The following ZCCHC4 variants were observed in gnomAD, a reference collection of about 807,000 sequenced individuals.
The protein encoded by ZCCHC4 is rRNA N(6)-adenosine-methyltransferase ZCCHC4.
Under a neutral mutation model 67.7 loss-of-function variants are expected in ZCCHC4, and 54 were observed. The ratio of observed to expected loss-of-function variants is 0.80; its 90% confidence interval spans 0.64 to 1.00. The LOEUF (loss-of-function observed/expected upper bound fraction) is 1.00. Ranked by LOEUF, ZCCHC4 falls within the 50% of genes least tolerant of loss-of-function variation. ZCCHC4 has a pLI of 0.00. For missense variants in ZCCHC4, 609 were observed against 617.0 expected (o/e 0.99, Z 0.14); for synonymous variants, 198 against 213.5 (o/e 0.93, Z 0.63).
intron 8 of ZCCHC4, among the ~76,000 whole-genome samples, chr4:25,357,273 C>T (rs1720555362): frequency 6.6e-6 from 1 of 152,158 alleles, no homozygotes; most frequent in African/African-American, 2.4e-5. Flanking sequence ...TGTTCATTCC[C>T]ATTATTTTTC....
At chr4:25,325,833 T>C (rs888139657) in intron 3 of ZCCHC4, among the ~76,000 whole-genome samples, 3 of 152,228 alleles carry the variant, frequency 2.0e-5, no homozygotes, top group African/African-American at 7.2e-5. Flanking sequence ...GGTTAGTTTT[T>C]TTATATGAAG....
At chr4:25,356,226 G>A (rs754092483) in intron 8 of ZCCHC4, among the ~76,000 whole-genome samples, 2 of 152,088 alleles carry the variant, frequency 1.3e-5, no homozygotes, top group African/African-American at 2.4e-5. Flanking sequence ...TCATCATTGT[G>A]AGTGAAATGT....
Position 25,351,552 on chromosome 4 carries a change from A to T in ZCCHC4, c.911-37A>T, listed in dbSNP as rs745354498. The T allele has an allele frequency of 7.1e-7, 1 of 1,410,450 alleles. No homozygotes were observed. The highest frequency in any genetic ancestry group is 9.8e-7 in the Non-Finnish European group (1 of 1,021,984). 87.4% of individuals were successfully genotyped at this position (1,410,450 alleles called of 1,614,324 possible). A position where few individuals can be genotyped will look rare whatever the true frequency, so the allele number is the denominator to read the frequency against. On this transcript the variant is annotated intron_variant, in intron 7 of 12. Coordinates refer to ENST00000302874, the MANE Select transcript of ZCCHC4 (RefSeq NM_024936.3). ...TACTGTAGCCTTCTATTTTTTCTTT[A>T]ATTTACTATTATTTTTTCCTTTTTG...
At chr4:25,368,075 A>G (rs1042197682) in intron 12 of ZCCHC4, among the ~76,000 whole-genome samples, 2 of 152,204 alleles carry the variant, frequency 1.3e-5, no homozygotes, top group Non-Finnish European at 2.9e-5. Flanking sequence ...TGCTGAGTAA[A>G]CAAAAAGTGA....
intron 10 of ZCCHC4, 23 bp downstream of exon 10, chr4:25,362,324 A>G: frequency 2.0e-6 from 3 of 1,478,188 alleles, no homozygotes; most frequent in Non-Finnish European, 2.8e-6. Flanking sequence ...TATAGAATGT[A>G]TTTTTATTTA....
intron 3 of ZCCHC4, among the ~76,000 whole-genome samples, chr4:25,326,809 T>C (rs1007529003): frequency 6.6e-6 from 1 of 152,210 alleles, no homozygotes; most frequent in African/African-American, 2.4e-5. Context: ...AGTATTGAGT[T>C]TTCTAGTCTG....
intron 8 of ZCCHC4, 153 bp from the exon 9 acceptor site, chr4:25,361,706 C>T: frequency 1.4e-6 from 1 of 722,052 alleles, no homozygotes; most frequent in Non-Finnish European, 2.2e-6. Context: ...ACCCACTCCC[C>T]TCAGTCCTCA....
chr4:25,336,906 C>T (rs1036214082), intron 5 of ZCCHC4, among the ~76,000 whole-genome samples: 2 of 152,178 alleles, frequency 1.3e-5, no homozygotes, highest in Admixed American at 1.3e-4. Context: ...AAAACTGAGG[C>T]ATAAAGAGGT....
intron 3 of ZCCHC4, among the ~76,000 whole-genome samples, chr4:25,323,487 G>A (rs1718687746): frequency 6.6e-6 from 1 of 151,750 alleles, no homozygotes; most frequent in Non-Finnish European, 1.5e-5. Context: ...TACTCTTTAT[G>A]ATATAGCACT....
intron 5 of ZCCHC4, among the ~76,000 whole-genome samples, chr4:25,338,354 A>G (rs1008275964): frequency 6.6e-6 from 1 of 152,236 alleles, no homozygotes; most frequent in African/African-American, 2.4e-5. Flanking sequence ...TCAGCCTCCC[A>G]AAGTGCTGGG....
At chr4:25,362,112 A>G in intron 9 of ZCCHC4, 114 bp from the exon 10 acceptor site, 1 of 1,447,778 alleles carries the variant, frequency 6.9e-7, no homozygotes, top group Non-Finnish European at 9.4e-7. Flanking sequence ...ATAATTTCAT[A>G]CTTAATTGAA....
chr4:25,366,492 T>C (rs1245878549), intron 12 of ZCCHC4, among the ~76,000 whole-genome samples: 2 of 151,848 alleles, frequency 1.3e-5, no homozygotes, highest in African/African-American at 2.4e-5. Context: ...ACTTTTTGTA[T>C]TTTTTAGTAG....
In ZCCHC4 at chr4:25,359,660, C is replaced by T. The variant is rs1488021096; in HGVS notation, c.1012-2199C>T. ...GGATAGATTTGATTTTGGCCAGGGTCGACTAGGAGAGAATTGATAAGCAGC... is the reference window on the plus strand; with the variant it reads ...GGATAGATTTGATTTTGGCCAGGGTTGACTAGGAGAGAATTGATAAGCAGC... On this transcript the variant is annotated intron_variant, in intron 8 of 12. Coordinates refer to ENST00000302874, the MANE Select transcript of ZCCHC4 (RefSeq NM_024936.3). This position sits in a 1 kb window ranked among gnomAD's most constrained non-coding sequence, Gnocchi z 4.9. 1.3e-5 allele frequency among the ~76,000 whole-genome samples: 2 copies of T among 152,234 alleles called. No individual in the cohort carries two copies. The highest frequency in any genetic ancestry group is 3.4e-3 in the Middle Eastern group (1 of 294).
intron 8 of ZCCHC4, chr4:25,352,456 T>C (rs1462099122): frequency 1.1e-6 from 1 of 936,842 alleles, no homozygotes; most frequent in African/African-American, 1.8e-5. Context: ...TCACCCAGTC[T>C]GGAGTGCAGT....
intron 12 of ZCCHC4, chr4:25,366,305 A>C: frequency 1.3e-6 from 1 of 794,348 alleles, no homozygotes; most frequent in African/African-American, 1.9e-5. Flanking sequence ...AGCTTATTGA[A>C]GAATCTTTTT....
intron 8 of ZCCHC4, among the ~76,000 whole-genome samples, chr4:25,354,664 A>G (rs1469924534): frequency 6.6e-6 from 1 of 151,712 alleles, no homozygotes; most frequent in Non-Finnish European, 1.5e-5. Context: ...AACTTCATTA[A>G]AATTTTTTTT....
rs547487212 is a variant in ZCCHC4, at chr4:25,341,098, C to T, written c.687-4450C>T. Among the ~76,000 whole-genome samples, 26 of 152,260 alleles carry T rather than the reference C, an allele frequency of 1.7e-4. No homozygotes were observed. In the South Asian group the frequency reaches 5.2e-3, roughly 30 times the overall value. On this transcript the variant is annotated intron_variant, in intron 5 of 12. Transcript: ENST00000302874. ...TCAAGCAATCTTCCCACCTCGACCT[C>T]CCAAATGACTTTCTTAATAACATTT...
chr4:25,362,042 T>C, intron 9 of ZCCHC4, 62 bp downstream of exon 9: 2 of 1,560,908 alleles, frequency 1.3e-6, no homozygotes, highest in Non-Finnish European at 1.7e-6. Flanking sequence ...CATATATCCA[T>C]CAGTCAAATG....
chr4:25,331,419 C>T lies in ZCCHC4; in HGVS notation c.330-1764C>T, dbSNP rs570817184. Reference sequence around the variant, plus strand: ...TCCTGGGCTCAAGTGATCCTCCTGCCTCTGCCTCCTAAGTAGCTGGGACTA... The same window carrying T: ...TCCTGGGCTCAAGTGATCCTCCTGCTTCTGCCTCCTAAGTAGCTGGGACTA... On this transcript the variant is annotated intron_variant, in intron 3 of 12. Coordinates refer to ENST00000302874, the MANE Select transcript of ZCCHC4 (RefSeq NM_024936.3). 2.3e-3 allele frequency among the ~76,000 whole-genome samples: 357 copies of T among 152,286 alleles called. 2 individuals are homozygous for T. Among genetic ancestry groups the T allele is most frequent in the African/African-American group, 8.1e-3 (338 of 41,554 alleles).
Sources: gnomAD v4.1 joint callset for allele counts (sites outside exome capture counted in the v4.1 genomes callset) on GRCh38, gnomAD v4.1.1 for gene constraint, Gnocchi (gnomAD v3.1) non-coding constraint, MANE v1.5 for transcripts, NCBI Gene and HGNC (gene_info 2026-07-23, HGNC 2026-07-21) for gene names.